ABCA12: variants seen among roughly 807,000 people sequenced by gnomAD.
ABCA12 encodes glucosylceramide transporter ABCA12.
Under a neutral mutation model 293.5 loss-of-function variants are expected in ABCA12, and 156 were observed. The ratio of observed to expected loss-of-function variants is 0.53; its 90% CI spans 0.47 to 0.61. ABCA12 has a LOEUF of 0.61. Ranked by LOEUF, ABCA12 falls within the 20% of genes least tolerant of loss-of-function variation. The pLI is 0.00. For missense variants in ABCA12, 2,797 were observed against 3,090.2 expected (o/e 0.91, Z 2.25); for synonymous variants, 1,063 against 1,108.0 (o/e 0.96, Z 0.81).
chr2:215,070,287 A>G (rs1322164215), intron 2 of ABCA12, among the ~76,000 whole-genome samples: 5 of 152,180 alleles, frequency 3.3e-5, no homozygotes, highest in African/African-American at 1.2e-4. Flanking sequence ...CATCTATTCA[A>G]TAATATTTAC....
At chr2:214,995,061 C>G (rs1054593345) in intron 23 of ABCA12, among the ~76,000 whole-genome samples, 2 of 152,132 alleles carry the variant, frequency 1.3e-5, no homozygotes, top group African/African-American at 4.8e-5. Flanking sequence ...GAACAAAACC[C>G]AATCGAAAGG....
rs116397160 is a variant in ABCA12 at position 215,091,412 on chromosome 2, T to C, written c.163+20185A>G. Among the ~76,000 whole-genome samples the C allele has an allele frequency of 8.6e-3, 1,310 of 152,264 alleles. 12 individuals carry two copies. The highest frequency in any genetic ancestry group is 0.026 in the South Asian group (127 of 4,828). On this transcript the variant is annotated intron_variant, in intron 2 of 52. Coordinates refer to ENST00000272895, the MANE Select transcript of ABCA12 (RefSeq NM_173076.3). ...AGAGAGGTGGCTGGAGCTGTAGGCG[T>C]AGTCAAGGTTAATGCTCCTTTTTCT...
At chr2:215,039,758 A>AT (rs1701060821) in intron 7 of ABCA12, among the ~76,000 whole-genome samples, 2 of 145,866 alleles carry the variant, frequency 1.4e-5, no homozygotes, top group Non-Finnish European at 3.0e-5. Flanking sequence ...CCTTCTCACA[A>AT]AAAATAAATA....
chr2:215,064,002 A>G (rs1701587641), intron 3 of ABCA12, 64 bp downstream of exon 3: 27 of 1,606,822 alleles, frequency 1.7e-5, no homozygotes, highest in South Asian at 2.2e-5. Flanking sequence ...CTTCCTGGCT[A>G]TCTCAGAAGG....
intron 4 of ABCA12, among the ~76,000 whole-genome samples, chr2:215,054,213 C>T (rs748276516): frequency 3.0e-4 from 45 of 152,020 alleles, no homozygotes; most frequent in Admixed American, 9.8e-4. Flanking sequence ...AAAATCTGGA[C>T]AAACCTCTGA....
intron 3 of ABCA12, among the ~76,000 whole-genome samples, chr2:215,056,988 C>T (rs1030193468): frequency 4.6e-5 from 7 of 152,018 alleles, no homozygotes; most frequent in Non-Finnish European, 1.0e-4. Context: ...TCTATCTGTA[C>T]CTATTCCCAC....
In ABCA12 at chr2:215,107,803, T is replaced by C. The variant is rs573515522; in HGVS notation, c.163+3794A>G. On this transcript the variant is annotated intron_variant, in intron 2 of 52. Transcript: ENST00000272895. Reference sequence around the variant, plus strand: ...CCACAGTATTACAGAACAGAAGTTGTTGTGGGATCCATGCATGTTGTTATG... The same window carrying C: ...CCACAGTATTACAGAACAGAAGTTGCTGTGGGATCCATGCATGTTGTTATG... 5.9e-5 allele frequency among the ~76,000 whole-genome samples: 9 copies of C among 152,288 alleles called. No individual in the cohort carries two copies. In the East Asian group the frequency reaches 1.7e-3, roughly 29 times the overall value.
chr2:215,120,845 C>T (rs1295353159), intron 1 of ABCA12, among the ~76,000 whole-genome samples: 1 of 152,168 alleles, frequency 6.6e-6, no homozygotes, highest in African/African-American at 2.4e-5. Context: ...GCCACTTCTT[C>T]CACATGAGAA....
intron 1 of ABCA12, among the ~76,000 whole-genome samples, chr2:215,127,415 G>A (rs928520392): frequency 5.3e-5 from 8 of 152,064 alleles, no homozygotes; most frequent in Non-Finnish European, 1.0e-4. Context: ...CTATTACTAT[G>A]TTGCTGCCTA....
chr2:215,035,664 C>CAAAAAAAAAAAAAAAAAAAAAAAAAAA (rs748783341), intron 8 of ABCA12: 1 of 45,688 alleles, frequency 2.2e-5, no homozygotes, highest in Non-Finnish European at 5.0e-5. Context: ...GACTCCATCT[C>CAAAAAAAAAAAAAAAAAAAAAAAAAAA]AAAAAAAAAA....
intron 1 of ABCA12, among the ~76,000 whole-genome samples, chr2:215,123,786 T>A (rs547743472): frequency 2.6e-5 from 4 of 152,054 alleles, no homozygotes; most frequent in East Asian, 3.9e-4. Context: ...TAATTTTTTT[T>A]ATAAGTTATT....
chr2:215,081,096 C>T (rs1701927374), intron 2 of ABCA12, among the ~76,000 whole-genome samples: 1 of 152,156 alleles, frequency 6.6e-6, no homozygotes, highest in African/African-American at 2.4e-5. Context: ...CCCTCAGTTT[C>T]ATGTTGCACA....
intron 27 of ABCA12, 49 bp downstream of exon 27, chr2:214,987,598 C>T: frequency 6.3e-7 from 1 of 1,579,740 alleles, no homozygotes; most frequent in Non-Finnish European, 8.6e-7. Context: ...CATGTAATTT[C>T]ATATCATTTC....
chr2:215,011,157 A>C (rs1480587948), intron 17 of ABCA12, among the ~76,000 whole-genome samples: 1 of 152,182 alleles, frequency 6.6e-6, no homozygotes, highest in Non-Finnish European at 1.5e-5. Context: ...TTAAGAGGAT[A>C]GTCTTTGTAG....
chr2:215,107,041 C>G (rs1702477405), intron 2 of ABCA12, among the ~76,000 whole-genome samples: 1 of 152,136 alleles, frequency 6.6e-6, no homozygotes, highest in Non-Finnish European at 1.5e-5. Context: ...TTCCATTGTA[C>G]TTTTAGAGGT....
chr2:214,979,123 G>A (rs1699592498), intron 31 of ABCA12, 83 bp from the exon 32 acceptor site: 1 of 1,302,630 alleles, frequency 7.7e-7, no homozygotes, highest in South Asian at 1.2e-5. Context: ...GTGAGGTGAT[G>A]AGCTCTTTTA....
At position 214,975,819 on chromosome 2, in the gene ABCA12, G is replaced by A. The variant is rs1313694734; in HGVS notation, c.5347C>T (p.Leu1783Phe). The A allele has an allele frequency of 6.2e-7, 1 of 1,614,118 alleles. No homozygotes were observed. Among genetic ancestry groups the A allele is most frequent in the Non-Finnish European group, 8.5e-7 (1 of 1,179,972 alleles). Residue 1783 changes from leucine (L) to phenylalanine (F), a missense_variant, in exon 34 of 53, where the codon CTT (leucine) becomes TTT (phenylalanine). Transcript: ENST00000272895. ...GCTGTCTGTTCGGAGGTACCATAAA[G>A]AGAGGGGGAGATCTGAATCTCTGGA... ...SYPEIQISPS[L>F]YGTSEQTAFY...
At position 215,049,766 on chromosome 2, in the gene ABCA12, A is replaced by T; in HGVS notation, c.553T>A (p.Cys185Ser). 1 of 1,613,630 alleles carries T rather than the reference A, an allele frequency of 6.2e-7. No homozygotes were observed. The highest frequency in any genetic ancestry group is 2.2e-5 in the East Asian group (1 of 44,798). ...STSEDIRREL[C>S]DSYSGYIVDD... The stretch of plus-strand genomic sequence containing the variant: ...ACAATGTATCCTGAATAGCTGTCAC[A>T]TAGTTCTCTTCGTATATCTTCTGAA... Residue 185 changes from cysteine to serine, a missense_variant, in exon 6 of 53, where the codon TGT becomes AGT. By Grantham distance (112) the Cys-to-Ser change is moderately radical (BLOSUM62 -1). Transcript: ENST00000272895.
In ABCA12 at chr2:214,975,788, T is replaced by G. The variant is rs892555844; in HGVS notation, c.5378A>C (p.Tyr1793Ser). ...LYGTSEQTAF[Y>S]ANYHPSTEAL... ...TAGTTAACAGAAAGAAACTTACGCATAGAAGGCTGTCTGTTCGGAGGTACC... is the reference window on the plus strand; with the variant it reads ...TAGTTAACAGAAAGAAACTTACGCAGAGAAGGCTGTCTGTTCGGAGGTACC... The change falls in exon 34 of 53, where the codon TAT (tyrosine) becomes TCT (serine). Residue 1793 changes from tyrosine to serine, a missense_variant. Around this residue, in one of 3 missense-constraint regions of ABCA12, gnomAD observed 2,130 missense variants for 2,427.0 expected, o/e 0.88. Transcript: ENST00000272895. 2 of 1,614,058 alleles carry G rather than the reference T, an allele frequency of 1.2e-6. No homozygotes were observed. The highest frequency in any genetic ancestry group is 3.3e-5 in the Admixed American group (2 of 60,012).
Sources: allele counts gnomAD v4.1 joint callset (sites outside exome capture counted in the v4.1 genomes callset), GRCh38; gene constraint gnomAD v4.1.1; regional missense constraint gnomAD v4.1.1; transcripts MANE v1.5; gene names NCBI Gene and HGNC (gene_info 2026-07-23, HGNC 2026-07-21).